FBXL17: variants seen among roughly 807,000 people sequenced by gnomAD.
FBXL17 encodes F-box and leucine rich repeat protein 17.
In FBXL17, 22 loss-of-function variants were observed where a neutral mutation model predicts 66.2. That is an observed-to-expected ratio of 0.33 (90% CI 0.24 to 0.47). The LOEUF (loss-of-function observed/expected upper bound fraction) is 0.47, where lower values mean the gene tolerates loss of function less well. Among genes scored for constraint, FBXL17 ranks in the 20% least tolerant of loss-of-function variants. The probability of loss-of-function intolerance (pLI) is 1.00; values close to 1 mark genes in which losing one functional copy is unlikely to be tolerated. For missense variants in FBXL17, 878 were observed against 948.2 expected, an observed-to-expected ratio of 0.93 and a Z score of 0.97; for synonymous variants, 474 against 400.5, an observed-to-expected ratio of 1.18 and a Z score of -2.19.
intron 7 of FBXL17, among the ~76,000 whole-genome samples, chr5:107,895,888 G>A (rs947711515): frequency 3.9e-5 from 6 of 152,072 alleles, no homozygotes; most frequent in African/African-American, 1.4e-4. Flanking sequence ...GATTTACGTC[G>A]TTTTTGTGTT....
intron 6 of FBXL17, among the ~76,000 whole-genome samples, chr5:108,077,029 C>T (rs540291779): frequency 4.6e-4 from 70 of 152,250 alleles, no homozygotes; most frequent in Admixed American, 7.9e-4. Context: ...TACAGAATAT[C>T]ACTTTCTGAC....
At chr5:108,289,705 A>C (rs2150160155) in intron 4 of FBXL17, among the ~76,000 whole-genome samples, 1 of 152,214 alleles carries the variant, frequency 6.6e-6, no homozygotes, top group African/African-American at 2.4e-5. Flanking sequence ...CCAATCCTGT[A>C]ACTGTGTTTT....
At chr5:108,188,777 T>C (rs1413235654) in intron 5 of FBXL17, among the ~76,000 whole-genome samples, 1 of 152,222 alleles carries the variant, frequency 6.6e-6, no homozygotes, top group Non-Finnish European at 1.5e-5. Context: ...GTGAGCTGTT[T>C]GGGCTCTAAA....
Position 108,179,194 on chromosome 5 carries a change from C to G in FBXL17, c.1745+6923G>C, listed in dbSNP as rs1752906670. On this transcript the variant is annotated intron_variant, in intron 6 of 8. Coordinates refer to ENST00000542267, the MANE Select transcript of FBXL17 (RefSeq NM_001163315.3). ...ATATTTTATATCACCAACACCTGCT[C>G]AAATCCTCTCTGAACTTTATTTCTA... Among the ~76,000 whole-genome samples, 5 of 152,326 alleles carry G rather than the reference C, an allele frequency of 3.3e-5. No individual in the cohort carries two copies. The South Asian group carries it at 1.0e-3, about 32-fold the overall frequency.
chr5:108,214,530 G>A (rs2966810), intron 5 of FBXL17, among the ~76,000 whole-genome samples: 49,775 of 151,592 alleles, frequency 0.33, 8,297 homozygotes, highest in Middle Eastern at 0.38. Context: ...ACTGCACCCA[G>A]CTAATTTTTT....
At chr5:108,056,948 A>G (rs1349614558) in intron 6 of FBXL17, among the ~76,000 whole-genome samples, 2 of 152,202 alleles carry the variant, frequency 1.3e-5, no homozygotes, top group African/African-American at 4.8e-5. Flanking sequence ...AATAGACAGA[A>G]TAAGCAGCCA....
intron 7 of FBXL17, among the ~76,000 whole-genome samples, chr5:108,008,321 G>A (rs1184881422): frequency 6.6e-6 from 1 of 152,142 alleles, no homozygotes; most frequent in Non-Finnish European, 1.5e-5. Flanking sequence ...AACCTTGAAT[G>A]CAAGGTGTGT....
chr5:108,341,066 A>G (rs1278623388), intron 4 of FBXL17, among the ~76,000 whole-genome samples: 1 of 152,198 alleles, frequency 6.6e-6, no homozygotes, highest in African/African-American at 2.4e-5. Flanking sequence ...TTTTATTGCA[A>G]TACTGCCTCT....
At chr5:108,199,212 C>A (rs574784926) in intron 5 of FBXL17, among the ~76,000 whole-genome samples, 2 of 151,978 alleles carry the variant, frequency 1.3e-5, no homozygotes, top group Non-Finnish European at 2.9e-5. Flanking sequence ...AAAAACATGA[C>A]GAAGATTTTT....
intron 4 of FBXL17, among the ~76,000 whole-genome samples, chr5:108,306,406 TAAGA>T (rs1758843149): frequency 6.6e-6 from 1 of 152,058 alleles, no homozygotes; most frequent in South Asian, 2.1e-4. Flanking sequence ...TAGTAGTAGT[TAAGA>T]ATATGAATTT....
intron 6 of FBXL17, among the ~76,000 whole-genome samples, chr5:108,067,565 T>G (rs4957740): frequency 6.6e-6 from 1 of 152,002 alleles, no homozygotes; most frequent in Non-Finnish European, 1.5e-5. Context: ...GCTTGAGAGA[T>G]GTCCTAGCAC....
intron 4 of FBXL17, among the ~76,000 whole-genome samples, chr5:108,288,239 C>A (rs1757975971): frequency 6.6e-6 from 1 of 151,524 alleles, no homozygotes; most frequent in Non-Finnish European, 1.5e-5. Context: ...ATATAACAAA[C>A]CGCACATGTA....
intron 6 of FBXL17, among the ~76,000 whole-genome samples, chr5:108,042,419 AC>A (rs1231363251): frequency 6.6e-6 from 1 of 151,438 alleles, no homozygotes; most frequent in Non-Finnish European, 1.5e-5. Context: ...TTTTCCTCCC[AC>A]CCCTACATCT....
intron 8 of FBXL17, among the ~76,000 whole-genome samples, chr5:107,877,402 G>C (rs368353369): frequency 6.6e-6 from 1 of 152,120 alleles, no homozygotes; most frequent in South Asian, 2.1e-4. Flanking sequence ...CAAGAGAGAC[G>C]GCGGGTGGGG....
chr5:108,021,357 G>A (rs960195633), intron 6 of FBXL17, among the ~76,000 whole-genome samples: 16 of 149,638 alleles, frequency 1.1e-4, no homozygotes, highest in Non-Finnish European at 2.2e-4. Flanking sequence ...TAGATAGATC[G>A]TTATTATAGG....
At chr5:108,046,590 T>A (rs1747262323) in intron 6 of FBXL17, among the ~76,000 whole-genome samples, 2 of 152,192 alleles carry the variant, frequency 1.3e-5, no homozygotes. Flanking sequence ...TTTTTAAGAG[T>A]ATCTCTTTAT....
At chr5:108,369,143 A>G (rs1451200906) in intron 1 of FBXL17, among the ~76,000 whole-genome samples, 1 of 152,172 alleles carries the variant, frequency 6.6e-6, no homozygotes, top group Non-Finnish European at 1.5e-5. Context: ...CATATTGTTT[A>G]TGTAAAAATG....
intron 6 of FBXL17, among the ~76,000 whole-genome samples, chr5:108,034,674 T>G (rs1392796047): frequency 6.6e-6 from 1 of 152,160 alleles, no homozygotes; most frequent in African/African-American, 2.4e-5. Context: ...AGTTTTCAAA[T>G]GAACATAAAG....
At position 108,381,932 on chromosome 5, in the gene FBXL17, G is replaced by A; in HGVS notation, c.-241C>T. The A allele has an allele frequency of 8.0e-7, 1 of 1,252,896 alleles. No individual in the cohort carries two copies. The highest frequency in any genetic ancestry group is 1.6e-5 in the African/African-American group (1 of 64,336). The allele number at this position is 1,252,896 out of a possible 1,614,324, so 77.6% of individuals were successfully genotyped here. ...GGGAAGCCGGGAGAACGATGGGCGC[G>A]AGCTTTGGGGACGCGAGGGAGGGAG... On this transcript the variant is annotated 5_prime_UTR_variant, in exon 1 of 9. Transcript: ENST00000542267.
Sources: gnomAD v4.1 joint callset for allele counts (sites outside exome capture counted in the v4.1 genomes callset) on GRCh38, gnomAD v4.1.1 for gene constraint, MANE v1.5 for transcripts, NCBI Gene and HGNC (gene_info 2026-07-23, HGNC 2026-07-21) for gene names.